The following NAALADL2 variants were observed in gnomAD, a reference collection of about 807,000 sequenced individuals.
NAALADL2 encodes the protein inactive N-acetylated-alpha-linked acidic dipeptidase-like protein 2.
Under a neutral mutation model 87.2 loss-of-function variants are expected in NAALADL2, and 76 were observed. That is an observed-to-expected ratio of 0.87 (90% CI 0.72 to 1.05). The LOEUF (loss-of-function observed/expected upper bound fraction) is 1.05, where lower values mean the gene tolerates loss of function less well. Ranked by LOEUF, NAALADL2 falls within the 50% of genes least tolerant of loss-of-function variation. NAALADL2 has a pLI of 0.00. For synonymous variants in NAALADL2, 354 were observed against 331.0 expected (o/e 1.07, Z -0.75); for missense variants, 1,089 against 945.8 (o/e 1.15, Z -1.99).
At position 175,193,784 on chromosome 3, in the gene NAALADL2, G is replaced by GT. The variant is rs937166950; in HGVS notation, c.546-40140dup. Among the ~76,000 whole-genome samples, 8 of 151,628 alleles carry GT rather than the reference G, an allele frequency of 5.3e-5. No individual in the cohort carries two copies. The South Asian group carries it at 1.7e-3, about 31-fold the overall frequency. On this transcript the variant is annotated intron_variant, in intron 2 of 13. Coordinates refer to ENST00000454872, the MANE Select transcript of NAALADL2 (RefSeq NM_207015.3). Reference sequence around the variant, plus strand: ...CTTTGAATTTCAAACTAGAACAGGTGTTTTTTTGGCTCTGTTTTTAGCAGA... The same window carrying GT: ...CTTTGAATTTCAAACTAGAACAGGTGTTTTTTTTGGCTCTGTTTTTAGCAGA...
intron 3 of NAALADL2, among the ~76,000 whole-genome samples, chr3:174,843,103 G>C (rs572051505): frequency 6.6e-6 from 1 of 152,148 alleles, no homozygotes; most frequent in East Asian, 1.9e-4. Context: ...TTTCTGTATA[G>C]TAAGACCATT....
At chr3:174,661,844 C>T (rs1425783982) in intron 2 of NAALADL2, among the ~76,000 whole-genome samples, 4 of 152,076 alleles carry the variant, frequency 2.6e-5, no homozygotes, top group Admixed American at 2.0e-4. Context: ...CACACACACA[C>T]GAGCTGTAAA....
intron 1 of NAALADL2, among the ~76,000 whole-genome samples, chr3:174,888,357 C>T (rs538111532): frequency 6.6e-6 from 1 of 152,116 alleles, no homozygotes; most frequent in Non-Finnish European, 1.5e-5. Context: ...AGTTGATTCC[C>T]ATTTTGATCA....
chr3:175,642,260 A>G (rs1560901499), intron 11 of NAALADL2, among the ~76,000 whole-genome samples: 1 of 152,270 alleles, frequency 6.6e-6, no homozygotes, highest in East Asian at 1.9e-4. Flanking sequence ...GAGGGTATAC[A>G]TGCTTTTGTG....
At chr3:175,174,264 A>T (rs1370640772) in intron 2 of NAALADL2, among the ~76,000 whole-genome samples, 1 of 152,122 alleles carries the variant, frequency 6.6e-6, no homozygotes. Context: ...TCTTCATTCA[A>T]CCAGCTCTTG....
At chr3:174,529,512 G>T (rs1364213832) in intron 1 of NAALADL2, among the ~76,000 whole-genome samples, 2 of 152,350 alleles carry the variant, frequency 1.3e-5, no homozygotes, top group Middle Eastern at 3.4e-3. Context: ...CCCCTGTGGG[G>T]ACTCTGTGTG....
At chr3:175,359,480 G>A (rs1183251430) in intron 5 of NAALADL2, among the ~76,000 whole-genome samples, 3 of 151,976 alleles carry the variant, frequency 2.0e-5, no homozygotes, top group African/African-American at 7.2e-5. Flanking sequence ...ATTCATTTCT[G>A]CCTTCTGTGT....
chr3:174,648,108 T>C (rs1268121216), intron 2 of NAALADL2, among the ~76,000 whole-genome samples: 1 of 152,180 alleles, frequency 6.6e-6, no homozygotes, highest in Non-Finnish European at 1.5e-5. Flanking sequence ...TAATAAAATA[T>C]TTTCAGAGGG....
rs146900297 is a variant in NAALADL2 at position 174,470,271 on chromosome 3, ATG to A, written c.-184+29245_-184+29246del. 5.3e-3 allele frequency among the ~76,000 whole-genome samples: 814 copies of A among 152,204 alleles called. 7 individuals carry two copies. The highest frequency in any genetic ancestry group is 0.041 in the East Asian group (211 of 5,166). ...TTAGTGATATGGAGCACTTTTTCAT[ATG>A]TGTGTTGGCTATTTCTATATCTTCT... On this transcript the variant is annotated intron_variant, in intron 1 of 3. Coordinates refer to the NAALADL2 transcript ENST00000434257.
At chr3:175,330,485 C>T (rs1057514266) in intron 5 of NAALADL2, among the ~76,000 whole-genome samples, 3 of 151,606 alleles carry the variant, frequency 2.0e-5, no homozygotes, top group Non-Finnish European at 4.4e-5. Context: ...CTCCTCAGAC[C>T]GCAATGGAAT....
intron 3 of NAALADL2, among the ~76,000 whole-genome samples, chr3:175,248,077 C>T (rs1241566779): frequency 6.6e-6 from 1 of 152,184 alleles, no homozygotes; most frequent in Non-Finnish European, 1.5e-5. Flanking sequence ...ACTGCCTTCT[C>T]TAGTATACCT....
chr3:175,605,643 T>TTTTTTTTTTG, intron 10 of NAALADL2, among the ~76,000 whole-genome samples: 1 of 94,670 alleles, frequency 1.1e-5, no homozygotes, highest in Admixed American at 1.4e-4. Context: ...ATTGCTTGTT[T>TTTTTTTTTTG]TTTTTTTTTT....
intron 12 of NAALADL2, among the ~76,000 whole-genome samples, chr3:175,739,487 C>T (rs1583068569): frequency 6.6e-6 from 1 of 152,226 alleles, no homozygotes; most frequent in Middle Eastern, 3.4e-3. Context: ...TGGGTTATTG[C>T]TAGAATTAGA....
intron 1 of NAALADL2, among the ~76,000 whole-genome samples, chr3:174,966,096 T>C (rs986993723): frequency 2.0e-5 from 3 of 152,192 alleles, no homozygotes; most frequent in Non-Finnish European, 2.9e-5. Flanking sequence ...ATTATTACCA[T>C]GTACCTGAAT....
chr3:174,607,384 G>T (rs994022956), intron 2 of NAALADL2, among the ~76,000 whole-genome samples: 1 of 151,450 alleles, frequency 6.6e-6, no homozygotes, highest in African/African-American at 2.4e-5. Flanking sequence ...TTTGGATAAA[G>T]AGTCAAGACC....
intron 2 of NAALADL2, among the ~76,000 whole-genome samples, chr3:175,159,739 A>T (rs1475782608): frequency 6.6e-6 from 1 of 152,080 alleles, no homozygotes; most frequent in African/African-American, 2.4e-5. Flanking sequence ...TGTTAAGATT[A>T]TTGAAGTAAT....
chr3:175,314,686 A>ATATATGTATATATAGTTCTAAC (rs1758857882), intron 4 of NAALADL2, among the ~76,000 whole-genome samples: 5 of 31,436 alleles, frequency 1.6e-4, no homozygotes, highest in South Asian at 1.1e-3. Context: ...ATATATATAT[A>ATATATGTATATATAGTTCTAAC]TATATATATA....
intron 1 of NAALADL2, among the ~76,000 whole-genome samples, chr3:174,899,925 T>A (rs761709380): frequency 1.1e-4 from 17 of 152,064 alleles, no homozygotes; most frequent in Non-Finnish European, 1.9e-4. Context: ...GCTAACAATT[T>A]CAAAATAACT....
At chr3:174,917,761 C>G (rs555577935) in intron 1 of NAALADL2, among the ~76,000 whole-genome samples, 4 of 151,236 alleles carry the variant, frequency 2.6e-5, no homozygotes, top group African/African-American at 7.3e-5. Flanking sequence ...TTTGAGCCAC[C>G]AATTTTAGGG....
Sources: allele counts gnomAD v4.1 joint callset (sites outside exome capture counted in the v4.1 genomes callset), GRCh38; gene constraint gnomAD v4.1.1; transcripts MANE v1.5; gene names NCBI Gene and HGNC (gene_info 2026-07-23, HGNC 2026-07-21).